ATP9B: variants seen among roughly 807,000 people sequenced by gnomAD.
ATP9B encodes ATPase phospholipid transporting 9B.
Under a neutral mutation model 146.1 loss-of-function variants are expected in ATP9B, and 110 were observed. The observed-to-expected ratio is 0.75, with a 90% CI of 0.65 to 0.88. The LOEUF (loss-of-function observed/expected upper bound fraction) is 0.88, where lower values mean the gene tolerates loss of function less well. ATP9B is among the 40% of genes least tolerant of loss of function. The probability of loss-of-function intolerance (pLI) is 0.00; values close to 1 mark genes in which losing one functional copy is unlikely to be tolerated. For missense variants in ATP9B, 1,499 were observed against 1,496.4 expected (o/e 1.00, Z -0.03); for synonymous variants, 604 against 569.7 (o/e 1.06, Z -0.86).
At position 79,222,047 on chromosome 18, in the gene ATP9B, C is replaced by T. The variant is rs376447312; in HGVS notation, c.1107+8009C>T. Among the ~76,000 whole-genome samples, 8 of 152,180 alleles carry T rather than the reference C, an allele frequency of 5.3e-5. No homozygotes were observed. The South Asian group carries it at 1.7e-3, about 32-fold the overall frequency. ...CAACAGACATTTCCCACTTGCCTAT[C>T]CTGTAGTTACAGGTACCATGCTGCA... On this transcript the variant is annotated intron_variant, in intron 11 of 29. Transcript: ENST00000426216.
chr18:79,097,645 C>A (rs1227062787), intron 2 of ATP9B, among the ~76,000 whole-genome samples: 1 of 143,906 alleles, frequency 6.9e-6, no homozygotes, highest in African/African-American at 2.6e-5. Context: ...TTTGTTCTTG[C>A]GATAGTTTAC....
chr18:79,132,924 A>G (rs2094399103), intron 5 of ATP9B, among the ~76,000 whole-genome samples: 1 of 152,238 alleles, frequency 6.6e-6, no homozygotes, highest in Admixed American at 6.5e-5. Context: ...TAACCAGTAT[A>G]TTATCACAAT....
intron 8 of ATP9B, among the ~76,000 whole-genome samples, chr18:79,177,619 A>G (rs2147956843): frequency 6.6e-6 from 1 of 152,352 alleles, no homozygotes; most frequent in Non-Finnish European, 1.5e-5. Context: ...ATTAAAAAGT[A>G]CATACATGCT....
intron 5 of ATP9B, 91 bp downstream of exon 5, chr18:79,126,466 T>A: frequency 2.3e-6 from 2 of 877,836 alleles, no homozygotes; most frequent in Non-Finnish European, 3.5e-6. Flanking sequence ...ACATTTTAAT[T>A]CTATTATTGA....
chr18:79,222,794 A>G (rs1253832123), intron 11 of ATP9B, among the ~76,000 whole-genome samples: 1 of 149,780 alleles, frequency 6.7e-6, no homozygotes, highest in Non-Finnish European at 1.5e-5. Flanking sequence ...CTATTATATT[A>G]GTATTTGGTG....
intron 12 of ATP9B, chr18:79,254,447 C>T (rs974693824): frequency 1.3e-5 from 2 of 152,310 alleles, no homozygotes; most frequent in Non-Finnish European, 2.9e-5. Context: ...TCCAGTTGCT[C>T]TCACCCAGTC....
intron 11 of ATP9B, among the ~76,000 whole-genome samples, chr18:79,227,748 T>C (rs2095751175): frequency 6.6e-6 from 1 of 152,152 alleles, no homozygotes; most frequent in Non-Finnish European, 1.5e-5. Flanking sequence ...GCCCAGCACT[T>C]GTTTCTGTGC....
At chr18:79,129,878 G>C (rs1350067949) in intron 5 of ATP9B, among the ~76,000 whole-genome samples, 4 of 152,110 alleles carry the variant, frequency 2.6e-5, no homozygotes, top group Admixed American at 1.3e-4. Context: ...TGAGTAGCTG[G>C]AATTACAGGC....
chr18:79,109,125 G>C (rs2075840101), intron 2 of ATP9B, among the ~76,000 whole-genome samples: 1 of 152,132 alleles, frequency 6.6e-6, no homozygotes, highest in South Asian at 2.1e-4. Flanking sequence ...CAAACATGAA[G>C]AATATTTGAC....
chr18:79,345,049 C>A (rs553631249), intron 21 of ATP9B, among the ~76,000 whole-genome samples: 6 of 152,304 alleles, frequency 3.9e-5, no homozygotes, highest in African/African-American at 1.2e-4. Context: ...AGAAATCTGG[C>A]AGAAGCTGCC....
intron 11 of ATP9B, among the ~76,000 whole-genome samples, chr18:79,230,091 A>AT (rs1278054624): frequency 3.3e-5 from 5 of 152,176 alleles, no homozygotes; most frequent in African/African-American, 1.2e-4. Context: ...TAGTTTAATT[A>AT]TTTTCCCCCT....
At chr18:79,090,342 C>CT (rs1453661806) in intron 1 of ATP9B, among the ~76,000 whole-genome samples, 1 of 152,174 alleles carries the variant, frequency 6.6e-6, no homozygotes, top group African/African-American at 2.4e-5. Flanking sequence ...TTTTTAGGAA[C>CT]TTTCAAACTG....
chr18:79,219,278 G>T (rs2095656236), intron 11 of ATP9B, among the ~76,000 whole-genome samples: 1 of 152,166 alleles, frequency 6.6e-6, no homozygotes, highest in Non-Finnish European at 1.5e-5. Context: ...GCCGGGTCCA[G>T]GGTGAGGGAG....
chr18:79,279,118 G>A (rs933327379), intron 13 of ATP9B, among the ~76,000 whole-genome samples: 1 of 152,220 alleles, frequency 6.6e-6, no homozygotes, highest in African/African-American at 2.4e-5. Context: ...CGGCGCCTGT[G>A]AGAGCAGGTG....
intron 12 of ATP9B, among the ~76,000 whole-genome samples, chr18:79,258,086 T>C (rs765859415): frequency 6.6e-5 from 10 of 152,250 alleles, no homozygotes; most frequent in Non-Finnish European, 1.3e-4. Context: ...AAATTAATTA[T>C]AGTTATGAAA....
intron 7 of ATP9B, among the ~76,000 whole-genome samples, chr18:79,164,529 C>G (rs1330716815): frequency 2.6e-5 from 4 of 152,008 alleles, no homozygotes; most frequent in Non-Finnish European, 4.4e-5. Context: ...TCCTGGCTAA[C>G]ATGGTGAAAC....
chr18:79,157,412 A>AAAAC (rs1172220999), intron 7 of ATP9B, among the ~76,000 whole-genome samples: 2 of 150,082 alleles, frequency 1.3e-5, no homozygotes, highest in Non-Finnish European at 1.5e-5. Flanking sequence ...AAAAAAAAAA[A>AAAAC]AAAAAAAAAA....
At chr18:79,279,790 A>C (rs1005639261) in intron 13 of ATP9B, among the ~76,000 whole-genome samples, 4 of 152,240 alleles carry the variant, frequency 2.6e-5, no homozygotes, top group African/African-American at 9.6e-5. Context: ...TAATAAAGAG[A>C]TATCATTTCT....
At chr18:79,235,161 G>GC (rs1460064085) in intron 11 of ATP9B, among the ~76,000 whole-genome samples, 1 of 152,202 alleles carries the variant, frequency 6.6e-6, no homozygotes, top group Non-Finnish European at 1.5e-5. Context: ...ACAGGTGTGA[G>GC]CCACTGTGCC....
Sources: gnomAD v4.1 joint callset for allele counts (sites outside exome capture counted in the v4.1 genomes callset) on GRCh38, gnomAD v4.1.1 for gene constraint, MANE v1.5 for transcripts, NCBI Gene and HGNC (gene_info 2026-07-23, HGNC 2026-07-21) for gene names.